The following XKR6 variants were observed in gnomAD, a reference collection of about 807,000 sequenced individuals.
The protein encoded by XKR6 is XK related 6, also known as XK-related protein 6.
A neutral mutation model predicts 56.7 loss-of-function variants in XKR6; 22 were observed. That is an observed-to-expected ratio of 0.39 (90% confidence interval 0.28 to 0.55). The LOEUF (loss-of-function observed/expected upper bound fraction) is 0.55, where lower values mean the gene tolerates loss of function less well. XKR6 is among the 20% of genes least tolerant of loss of function. The probability of loss-of-function intolerance (pLI) is 0.66; values close to 1 mark genes in which losing one functional copy is unlikely to be tolerated. For missense variants in XKR6, 852 were observed against 889.0 expected, an observed-to-expected ratio of 0.96 and a Z score of 0.53; for synonymous variants, 524 against 387.8, an observed-to-expected ratio of 1.35 and a Z score of -4.13.
At position 11,200,920 on chromosome 8, in the gene XKR6, G is replaced by C; in HGVS notation, c.420C>G (p.Phe140Leu). ...LWIVLALLVF[F>L]GDVGTDLWLA... is the part of the protein sequence containing the mutation. The stretch of plus-strand genomic sequence containing the variant: ...GCCACAGGTCGGTGCCCACGTCCCC[G>C]AAGAACACCAGCAGCGCCAGCACGA... Residue 140 changes from phenylalanine to leucine, a missense_variant, in exon 1 of 3, where the codon TTC becomes TTG. Transcript: ENST00000416569. This position sits in a 1 kb window ranked among gnomAD's most constrained non-coding sequence, Gnocchi z 6.4. The C allele has an allele frequency of 6.2e-7, 1 of 1,608,146 alleles. No homozygotes were observed. The highest frequency in any genetic ancestry group is 8.5e-7 in the Non-Finnish European group (1 of 1,178,890).
At position 10,976,192 on chromosome 8, in the gene XKR6, G is replaced by A. The variant is rs530466386; in HGVS notation, c.765-51362C>T. Among the ~76,000 whole-genome samples, 5 of 149,038 alleles carry A rather than the reference G, an allele frequency of 3.4e-5. No homozygotes were observed. In the East Asian group the frequency reaches 9.9e-4, roughly 29 times the overall value. On this transcript the variant is annotated intron_variant, in intron 1 of 2. Coordinates refer to ENST00000416569, the MANE Select transcript of XKR6 (RefSeq NM_173683.4). ...CTCCATCTCAAGAAAAAAAAAAAGTGCCCCCCCCCAACCTCGCCACCATGT... is the reference window on the plus strand; with the variant it reads ...CTCCATCTCAAGAAAAAAAAAAAGTACCCCCCCCCAACCTCGCCACCATGT...
intron 1 of XKR6, among the ~76,000 whole-genome samples, chr8:11,035,610 T>G (rs937121519): frequency 2.0e-5 from 3 of 152,196 alleles, no homozygotes; most frequent in Non-Finnish European, 2.9e-5. Context: ...GCTGAAGAAT[T>G]TGGAGACCTG....
chr8:11,061,102 A>C (rs1335569169), intron 1 of XKR6, among the ~76,000 whole-genome samples: 2 of 152,206 alleles, frequency 1.3e-5, no homozygotes, highest in Admixed American at 1.3e-4. Flanking sequence ...ACACAGCACC[A>C]TGAATGGCAA....
intron 1 of XKR6, chr8:11,194,971 A>C (rs886716738): frequency 1.8e-6 from 1 of 541,886 alleles, no homozygotes; most frequent in Non-Finnish European, 3.2e-6. Flanking sequence ...AAAATTTACC[A>C]TAAATGTCAA....
At chr8:10,953,608 G>A (rs1258552911) in intron 1 of XKR6, among the ~76,000 whole-genome samples, 1 of 152,182 alleles carries the variant, frequency 6.6e-6, no homozygotes, top group Non-Finnish European at 1.5e-5. Context: ...ATTTGAATCT[G>A]CAACAATTCA....
At chr8:11,185,064 GT>G (rs769763425) in intron 1 of XKR6, among the ~76,000 whole-genome samples, 1 of 152,112 alleles carries the variant, frequency 6.6e-6, no homozygotes, top group Non-Finnish European at 1.5e-5. Flanking sequence ...GGCACATTAG[GT>G]TTATTAACGC....
intron 1 of XKR6, among the ~76,000 whole-genome samples, chr8:10,976,729 C>A (rs577248378): frequency 2.0e-5 from 3 of 151,200 alleles, no homozygotes; most frequent in African/African-American, 7.3e-5. Context: ...TCAGTGGCTT[C>A]CATATCACTA....
intron 1 of XKR6, among the ~76,000 whole-genome samples, chr8:10,963,016 C>T (rs1335944322): frequency 2.0e-5 from 3 of 152,218 alleles, no homozygotes; most frequent in African/African-American, 7.2e-5. Context: ...GTCCTTCGAT[C>T]ATTTCTGGTT....
intron 1 of XKR6, among the ~76,000 whole-genome samples, chr8:11,019,067 A>G (rs1798691020): frequency 6.6e-6 from 1 of 152,054 alleles, no homozygotes; most frequent in Admixed American, 6.5e-5. Flanking sequence ...TCCTGGTGGC[A>G]CTTTTGGAGT....
At chr8:11,188,873 C>A (rs1015080470) in intron 1 of XKR6, among the ~76,000 whole-genome samples, 1 of 152,110 alleles carries the variant, frequency 6.6e-6, no homozygotes, top group Non-Finnish European at 1.5e-5. Context: ...ACAAGGTTCT[C>A]GGATTTTCTC....
At chr8:11,196,899 G>A (rs1400538142) in intron 1 of XKR6, among the ~76,000 whole-genome samples, 1 of 152,160 alleles carries the variant, frequency 6.6e-6, no homozygotes, top group Non-Finnish European at 1.5e-5. Flanking sequence ...ACATAGAGGA[G>A]CAGACAGGAG....
chr8:10,942,375 A>C (rs748931748), intron 1 of XKR6, among the ~76,000 whole-genome samples: 25 of 152,188 alleles, frequency 1.6e-4, no homozygotes, highest in Non-Finnish European at 3.1e-4. Flanking sequence ...GTGTGGACAC[A>C]CAGTCACATC....
chr8:11,100,155 C>T (rs1052974351), intron 1 of XKR6, among the ~76,000 whole-genome samples: 5 of 152,100 alleles, frequency 3.3e-5, no homozygotes, highest in Non-Finnish European at 5.9e-5. Flanking sequence ...CAGACTCAGG[C>T]GATCCTTCCA....
intron 2 of XKR6, among the ~76,000 whole-genome samples, chr8:10,908,000 C>A (rs1800230799): frequency 6.6e-6 from 1 of 152,252 alleles, no homozygotes; most frequent in Non-Finnish European, 1.5e-5. Context: ...ATGTTTCCCT[C>A]CGCGTGGCTT....
intron 1 of XKR6, chr8:11,108,090 G>A (rs774075001): frequency 4.5e-5 from 15 of 333,408 alleles, no homozygotes; most frequent in Non-Finnish European, 8.7e-5. Flanking sequence ...GAGAATCCCA[G>A]ATCCGAAAAC....
chr8:10,979,825 C>T (rs1295520695), intron 1 of XKR6, among the ~76,000 whole-genome samples: 1 of 152,160 alleles, frequency 6.6e-6, no homozygotes, highest in African/African-American at 2.4e-5. Flanking sequence ...AGGGCTGTGC[C>T]GTCACGCACA....
intron 1 of XKR6, among the ~76,000 whole-genome samples, chr8:11,014,210 A>T (rs1798565058): frequency 6.6e-6 from 1 of 152,236 alleles, no homozygotes; most frequent in African/African-American, 2.4e-5. Flanking sequence ...GCCCCTAAGC[A>T]TTCATCCTCC....
chr8:10,948,379 T>C (rs1801613296), intron 1 of XKR6, among the ~76,000 whole-genome samples: 1 of 152,140 alleles, frequency 6.6e-6, no homozygotes, highest in African/African-American at 2.4e-5. Flanking sequence ...TGCTGAGACT[T>C]AGGCTCTTGA....
intron 1 of XKR6, among the ~76,000 whole-genome samples, chr8:11,065,007 T>C (rs1219560329): frequency 6.6e-6 from 1 of 152,330 alleles, no homozygotes; most frequent in East Asian, 1.9e-4. Context: ...AAAATATTTC[T>C]TTACATCCTG....
Sources: gnomAD v4.1 joint callset for allele counts (sites outside exome capture counted in the v4.1 genomes callset) on GRCh38, gnomAD v4.1.1 for gene constraint, Gnocchi (gnomAD v3.1) non-coding constraint, MANE v1.5 for transcripts, NCBI Gene and HGNC (gene_info 2026-07-23, HGNC 2026-07-21) for gene names.